The following OR2C3 variants were observed in gnomAD, a reference collection of about 807,000 sequenced individuals.
OR2C3 encodes the protein olfactory receptor 2C3.
For synonymous variants in OR2C3, 178 were observed against 163.4 expected (o/e 1.09, Z -0.68); for missense variants, 425 against 401.5 (o/e 1.06, Z -0.50).
chr1:247,530,522 C>CCCCG lies in OR2C3; in HGVS notation c.*1026_*1027insCGGG, dbSNP rs1553302958. On this transcript the variant is annotated 3_prime_UTR_variant, in exon 3 of 3. Transcript: ENST00000641802. ...AGTCCACAAACACCATGCCATCCCC[C>CCCCG]CCCCACAAAATAACATTTCCTATGA... 12 of 140,338 alleles carry CCCCG rather than the reference C, an allele frequency of 8.6e-5. No homozygotes were observed. The highest frequency in any genetic ancestry group is 1.8e-4 in the Non-Finnish European group (11 of 62,192). The allele number at this position is 140,338 out of a possible 1,614,324, so 8.7% of individuals were successfully genotyped here.
In OR2C3 at chr1:247,532,315, T is replaced by C. The variant is rs751865705; in HGVS notation, c.197A>G (p.Asn66Ser). 6 of 1,613,856 alleles carry C rather than the reference T, an allele frequency of 3.7e-6. No individual in the cohort carries two copies. Among genetic ancestry groups the C allele is most frequent in the Non-Finnish European group, 5.1e-6 (6 of 1,179,984 alleles). Residue 66 changes from asparagine (N) to serine (S), a missense_variant, in exon 3 of 3, where the codon AAC (asparagine) becomes AGC (serine). Physicochemically the swap from Asn to Ser is conservative, Grantham distance 46 (BLOSUM62 1). Coordinates refer to ENST00000641802, the MANE Select transcript of OR2C3 (RefSeq NM_198074.6). ...GAAGCTCATGTCCAGGAAGGGGAGGTTGGCAAGAAAGAAGTACATAGGTGT... is the reference window on the plus strand; with the variant it reads ...GAAGCTCATGTCCAGGAAGGGGAGGCTGGCAAGAAAGAAGTACATAGGTGT... Reference protein sequence around the residue: ...LHTPMYFFLANLPFLDMSFTT... With the variant: ...LHTPMYFFLASLPFLDMSFTT...
In OR2C3 at chr1:247,532,585, A is replaced by C. The variant is rs1411947790; in HGVS notation, c.-29-45T>G. On this transcript the variant is annotated intron_variant, in intron 2 of 2. Coordinates refer to ENST00000641802, the MANE Select transcript of OR2C3 (RefSeq NM_198074.6). ...CATACAGGGCATGAGACATGAAGCA[A>C]TTACATCAGTTAGCAAACATTAAAA... 18 of 1,341,274 alleles carry C rather than the reference A, an allele frequency of 1.3e-5. No individual in the cohort carries two copies. In the South Asian group the frequency reaches 2.2e-4, roughly 16 times the overall value. 83.1% of individuals were successfully genotyped at this position (1,341,274 alleles called of 1,614,324 possible). A position where few individuals can be genotyped will look rare whatever the true frequency, so the allele number is the denominator to read the frequency against.
intron 1 of OR2C3, among the ~76,000 whole-genome samples, chr1:247,534,772 A>G (rs1024187810): frequency 2.6e-5 from 4 of 152,214 alleles, no homozygotes; most frequent in African/African-American, 7.2e-5. Context: ...CAATTAAACA[A>G]AATAGACATG....
At position 247,532,276 on chromosome 1, in the gene OR2C3, A is replaced by C; in HGVS notation, c.236T>G (p.Val79Gly). 1 of 1,614,202 alleles carries C rather than the reference A, an allele frequency of 6.2e-7. No homozygotes were observed. The part of the protein sequence containing the change: ...FLDMSFTTSI[V>G]PQLLANLWGP... ...CCAGAGGTTAGCCAGGAGCTGTGGG[A>C]CAATGCTCGTGGTGAAGCTCATGTC... Residue 79 changes from valine to glycine, a missense_variant, in exon 3 of 3, where the codon GTC becomes GGC. Coordinates refer to ENST00000641802, the MANE Select transcript of OR2C3 (RefSeq NM_198074.6).
At position 247,532,144 on chromosome 1, in the gene OR2C3, C is replaced by T. The variant is rs146056608; in HGVS notation, c.368G>A (p.Arg123His). 96 of 1,613,886 alleles carry T rather than the reference C, an allele frequency of 5.9e-5. No homozygotes were observed. Among genetic ancestry groups the T allele is most frequent in the Middle Eastern group, 3.3e-4 (2 of 6,084 alleles). Residue 123 changes from arginine (R) to histidine (H), a missense_variant, in exon 3 of 3, where the codon CGC becomes CAC. Transcript: ENST00000641802. ...CVLLATMSYD[R>H]YAAICRPLHY... Reference sequence around the variant, plus strand: ...GAGTGGCCTGCAGATGGCAGCGTAGCGGTCATAGGACATGGTGGCCAGCAG... The same window carrying T: ...GAGTGGCCTGCAGATGGCAGCGTAGTGGTCATAGGACATGGTGGCCAGCAG...
chr1:247,533,359 A>G (rs147586027), intron 2 of OR2C3, 148 bp downstream of exon 2: 3 of 152,308 alleles, frequency 2.0e-5, no homozygotes, highest in African/African-American at 7.2e-5. Context: ...AGTTAGCCAT[A>G]GAAATTAGAA....
At chr1:247,535,155 A>T (rs770053659) in intron 1 of OR2C3, among the ~76,000 whole-genome samples, 6 of 152,180 alleles carry the variant, frequency 3.9e-5, no homozygotes, top group African/African-American at 1.4e-4. Flanking sequence ...TTTACAAAAA[A>T]ATAAAATAAA....
At chr1:247,534,843 A>T (rs917356794) in intron 1 of OR2C3, among the ~76,000 whole-genome samples, 1 of 152,200 alleles carries the variant, frequency 6.6e-6, no homozygotes, top group East Asian at 1.9e-4. Flanking sequence ...CATGTATAGA[A>T]ATGAGGCTCA....
chr1:247,532,496 T>G lies in OR2C3; in HGVS notation c.16A>C (p.Asn6His), dbSNP rs963226511. 6 of 1,613,704 alleles carry G rather than the reference T, an allele frequency of 3.7e-6. No homozygotes were observed. Among genetic ancestry groups the G allele is most frequent in the Middle Eastern group, 1.7e-4 (1 of 6,056 alleles). The change falls in exon 3 of 3, where the codon AAT (asparagine) becomes CAT (histidine). Residue 6 changes from asparagine to histidine, a missense_variant. Transcript: ENST00000641802. MMEIA[N>H]VSSPEVFVLL... ...ACAAAGACTTCTGGAGAACTCACAT[T>G]GGCTATTTCCATCATTGTATGCTGG...
chr1:247,530,039 G>GTA lies in OR2C3; in HGVS notation c.*1509_*1510insTA, dbSNP rs1491263189. The GTA allele has an allele frequency of 3.8e-5, 4 of 104,184 alleles. No individual in the cohort carries two copies. Among genetic ancestry groups the GTA allele is most frequent in the East Asian group, 2.1e-4 (1 of 4,862 alleles). The allele number at this position is 104,184 out of a possible 1,614,324, so 6.5% of individuals were successfully genotyped here. A position where few individuals can be genotyped will look rare whatever the true frequency, so the allele number is the denominator to read the frequency against. Reference sequence around the variant, plus strand: ...CTTTTTTCTCTCTCTCCCCCTCAGGGTGTGTGTGTGTGTGTGTATTCTCTT... The same window carrying GTA: ...CTTTTTTCTCTCTCTCCCCCTCAGGGTATGTGTGTGTGTGTGTGTATTCTCTT... On this transcript the variant is annotated 3_prime_UTR_variant, in exon 3 of 3. Coordinates refer to ENST00000641802, the MANE Select transcript of OR2C3 (RefSeq NM_198074.6).
At position 247,529,272 on chromosome 1, in the gene OR2C3, A is replaced by AG. The variant is rs1270302715; in HGVS notation, c.*2276_*2277insC. ...TCACCATGGCATCCCCTGCAATATC[A>AG]CCTGTAACCAGGAAACATATTTCAC... On this transcript the variant is annotated 3_prime_UTR_variant, in exon 3 of 3. Coordinates refer to ENST00000641802, the MANE Select transcript of OR2C3 (RefSeq NM_198074.6). The AG allele has an allele frequency of 2.6e-5, 4 of 152,162 alleles. No homozygotes were observed. Among genetic ancestry groups the AG allele is most frequent in the African/African-American group, 9.7e-5 (4 of 41,414 alleles). 9.4% of individuals were successfully genotyped at this position (152,162 alleles called of 1,614,324 possible).
chr1:247,529,700 C>T lies in OR2C3; in HGVS notation c.*1849G>A, dbSNP rs911926097. ...CCAGTTTTTGTTCAAACACAAGCCT[C>T]GGTGTTACTGTGAAGGTGTTTTTTT... On this transcript the variant is annotated 3_prime_UTR_variant, in exon 3 of 3. Coordinates refer to ENST00000641802, the MANE Select transcript of OR2C3 (RefSeq NM_198074.6). 3.5e-5 allele frequency: 5 copies of T among 143,914 alleles called. No individual in the cohort carries two copies. Among genetic ancestry groups the T allele is most frequent in the African/African-American group, 7.9e-5 (3 of 38,178 alleles). The allele number at this position is 143,914 out of a possible 1,614,324, so 8.9% of individuals were successfully genotyped here. A position where few individuals can be genotyped will look rare whatever the true frequency, so the allele number is the denominator to read the frequency against.
At chr1:247,533,935 C>G (rs1372571995) in intron 1 of OR2C3, 57 bp from the exon 2 acceptor site, 1 of 152,192 alleles carries the variant, frequency 6.6e-6, no homozygotes, top group Non-Finnish European at 1.5e-5. Context: ...GTCTGCTGCT[C>G]AACACCCTCA....
In OR2C3 at chr1:247,531,759, CAG is replaced by C. The variant is rs752454845; in HGVS notation, c.751_752del (p.Leu251ValfsTer19). The C allele has an allele frequency of 2.5e-6, 4 of 1,614,062 alleles. No individual in the cohort carries two copies. In the African/African-American group the frequency reaches 4.0e-5, roughly 16 times the overall value. ...ACATGAAGATGATGCTCCCGTAAAACAGAGACACCACAGCCACGTGGGAAGAA... is the reference window on the plus strand; with the variant it reads ...ACATGAAGATGATGCTCCCGTAAAACAGACACCACAGCCACGTGGGAAGAA... ...TCSSHVAVVSLFYGSIIFMYL... is the reference protein window; with the variant it reads ...TCSSHVAVVSXFYGSIIFMYL... On this transcript the variant is annotated frameshift_variant, in exon 3 of 3. Coordinates refer to ENST00000641802, the MANE Select transcript of OR2C3 (RefSeq NM_198074.6). LOFTEE classifies it low-confidence loss of function (END_TRUNC).
At position 247,530,424 on chromosome 1, in the gene OR2C3, T is replaced by G. The variant is rs1220875205; in HGVS notation, c.*1125A>C. The stretch of plus-strand genomic sequence containing the variant: ...AATGCACAATCATAAGAAACAATGG[T>G]GAATCTCGCCTCACTGTAAGCACAC... On this transcript the variant is annotated 3_prime_UTR_variant, in exon 3 of 3. Transcript: ENST00000641802. The G allele has an allele frequency of 1.3e-5, 2 of 151,862 alleles. No individual in the cohort carries two copies. Among genetic ancestry groups the G allele is most frequent in the African/African-American group, 4.8e-5 (2 of 41,350 alleles). 9.4% of individuals were successfully genotyped at this position (151,862 alleles called of 1,614,324 possible).
rs1328168717 is a variant in OR2C3 at position 247,527,057 on chromosome 1, A to T, written c.*4492T>A. 1 of 456,734 alleles carries T rather than the reference A, an allele frequency of 2.2e-6. No homozygotes were observed. Among genetic ancestry groups the T allele is most frequent in the Admixed American group, 2.3e-5 (1 of 42,580 alleles). The allele number at this position is 456,734 out of a possible 1,614,324, so 28.3% of individuals were successfully genotyped here. A position where few individuals can be genotyped will look rare whatever the true frequency, so the allele number is the denominator to read the frequency against. ...CAGTTCTTGGATGCCAATCTGAGGT[A>T]CAAATCACATTTCAAGTGTATTTCC... On this transcript the variant is annotated 3_prime_UTR_variant, in exon 3 of 3. Transcript: ENST00000641802. The surrounding 1 kb of genome is among the most constrained non-coding windows in gnomAD (Gnocchi z 4.6).
intron 2 of OR2C3, among the ~76,000 whole-genome samples, chr1:247,533,148 T>G (rs1318351558): frequency 6.6e-6 from 1 of 152,172 alleles, no homozygotes; most frequent in African/African-American, 2.4e-5. Flanking sequence ...CTCCTGCCAC[T>G]CTGGCCCATC....
chr1:247,535,082 TG>T (rs1439698533), intron 1 of OR2C3, among the ~76,000 whole-genome samples: 4 of 151,446 alleles, frequency 2.6e-5, no homozygotes, highest in South Asian at 2.1e-4. Flanking sequence ...GAGGCTGAAG[TG>T]GGGGGAATCA....
Position 247,526,140 on chromosome 1 carries a change from G to A in OR2C3, c.*5409C>T, listed in dbSNP as rs1666672913. 6.6e-6 allele frequency: 1 copy of A among 152,188 alleles called. No individual in the cohort carries two copies. Among genetic ancestry groups the A allele is most frequent in the African/African-American group, 2.4e-5 (1 of 41,456 alleles). The allele number at this position is 152,188 out of a possible 1,614,324, so 9.4% of individuals were successfully genotyped here. On this transcript the variant is annotated 3_prime_UTR_variant, in exon 3 of 3. Transcript: ENST00000641802. The surrounding 1 kb of genome is among the most constrained non-coding windows in gnomAD (Gnocchi z 4.8). ...ACCTGTGCACAGCATGTGTTGAGAT[G>A]AGAAAATATCTGTGATCTATTAAGT...
Sources: gnomAD v4.1 joint callset for allele counts (sites outside exome capture counted in the v4.1 genomes callset) on GRCh38, gnomAD v4.1.1 for gene constraint, Gnocchi (gnomAD v3.1) non-coding constraint, MANE v1.5 for transcripts, NCBI Gene and HGNC (gene_info 2026-07-23, HGNC 2026-07-21) for gene names.